CELSR1: variants seen among roughly 807,000 people sequenced by gnomAD.
CELSR1 encodes the protein cadherin EGF LAG seven-pass G-type receptor 1.
A neutral mutation model predicts 249.1 loss-of-function variants in CELSR1; 110 were observed. That is an observed-to-expected ratio of 0.44 (90% confidence interval 0.38 to 0.52). The LOEUF is 0.52. Ranked by LOEUF, CELSR1 falls within the 20% of genes least tolerant of loss-of-function variation. The pLI, the probability that CELSR1 is intolerant of heterozygous loss-of-function variation, is 0.00. For synonymous variants in CELSR1, 2,113 were observed against 1,900.0 expected (o/e 1.11, Z -2.92); for missense variants, 4,109 against 4,296.4 (o/e 0.96, Z 1.22).
intron 5 of CELSR1, among the ~76,000 whole-genome samples, chr22:46,431,867 C>T (rs1326156367): frequency 1.3e-5 from 2 of 152,256 alleles, no homozygotes; most frequent in African/African-American, 4.8e-5. Context: ...CTCACCCCAC[C>T]AGCCCCTGCA....
rs1310193824 is a variant in CELSR1, at chr22:46,499,401, G to T, written c.3544+34226C>A. Among the ~76,000 whole-genome samples the T allele has an allele frequency of 2.0e-5, 3 of 152,144 alleles. No individual in the cohort carries two copies. In the South Asian group the frequency reaches 6.2e-4, roughly 32 times the overall value. On this transcript the variant is annotated intron_variant, in intron 1 of 34. Coordinates refer to ENST00000674500, the MANE Select transcript of CELSR1 (RefSeq NM_001378328.1). ...ATCACAGGCTACTTAGTACCCATCA[G>T]ATTGGCAAAAATCTTAGACAATGAT...
chr22:46,536,163 G>A lies in CELSR1; in HGVS notation c.1008C>T (p.Thr336=), dbSNP rs2080852754. Residue 336 remains threonine, a synonymous_variant, in exon 1 of 35, where the codon ACC becomes ACT. Transcript: ENST00000674500. ...VDYSTPPRSA[T]TYITVLVKDT... is the part of the protein sequence containing the mutation. ...CTTTGACCAAGACAGTGATGTAGGTGGTGGCCGAGCGCGGCGGCGTACTGT... is the reference window on the plus strand; with the variant it reads ...CTTTGACCAAGACAGTGATGTAGGTAGTGGCCGAGCGCGGCGGCGTACTGT... The A allele has an allele frequency of 6.2e-7, 1 of 1,612,976 alleles. No individual in the cohort carries two copies. Among genetic ancestry groups the A allele is most frequent in the African/African-American group, 1.3e-5 (1 of 75,076 alleles).
At chr22:46,415,902 T>G (rs530566256) in intron 5 of CELSR1, among the ~76,000 whole-genome samples, 1 of 152,270 alleles carries the variant, frequency 6.6e-6, no homozygotes, top group South Asian at 2.1e-4. Flanking sequence ...TGGGCTCAGA[T>G]CATCCATTTT....
At position 46,518,155 on chromosome 22, in the gene CELSR1, C is replaced by G. The variant is rs1350039286; in HGVS notation, c.3544+15472G>C. 6.6e-6 allele frequency among the ~76,000 whole-genome samples: 1 copy of G among 152,146 alleles called. No individual in the cohort carries two copies. The highest frequency in any genetic ancestry group is 2.4e-5 in the African/African-American group (1 of 41,434). ...CGTGACCTCAGGTGATGTGATCCAT[C>G]CATCTCGACCTCCCAAAGTGCTGTG... On this transcript the variant is annotated intron_variant, in intron 1 of 34. Transcript: ENST00000674500. The surrounding 1 kb of genome is among the most constrained non-coding windows in gnomAD (Gnocchi z 5.2).
rs959742530 is a variant in CELSR1 at position 46,440,110 on chromosome 22, G to C, written c.4184-699C>G. Among the ~76,000 whole-genome samples, 16 of 152,200 alleles carry C rather than the reference G, an allele frequency of 1.1e-4. No individual in the cohort carries two copies. The highest frequency in any genetic ancestry group is 3.4e-4 in the African/African-American group (14 of 41,530). On this transcript the variant is annotated intron_variant, in intron 2 of 34. Coordinates refer to ENST00000674500, the MANE Select transcript of CELSR1 (RefSeq NM_001378328.1). This position sits in a 1 kb window ranked among gnomAD's most constrained non-coding sequence, Gnocchi z 4.7. The stretch of plus-strand genomic sequence containing the variant: ...CAGGAAGGTTCTGGAAGCTTTCCCA[G>C]AAAACCAGCCAGGCAGCCCACAGCA...
At chr22:46,456,656 C>CCA (rs1485183060) in intron 2 of CELSR1, among the ~76,000 whole-genome samples, 1,074 of 97,908 alleles carry the variant, frequency 0.011, 8 homozygotes, top group Non-Finnish European at 0.016. Flanking sequence ...GAGCGAGACT[C>CCA]TGTCTAAAAA....
chr22:46,534,400 T>C lies in CELSR1; in HGVS notation c.2771A>G (p.Asn924Ser), dbSNP rs200061231. Residue 924 changes from asparagine (N) to serine (S), a missense_variant, in exon 1 of 35, where the codon AAT becomes AGT. Physicochemically the swap from Asn to Ser is conservative, Grantham distance 46. Coordinates refer to ENST00000674500, the MANE Select transcript of CELSR1 (RefSeq NM_001378328.1). This position sits in a 1 kb window ranked among gnomAD's most constrained non-coding sequence, Gnocchi z 9.7. ...CTGGAAGGTGTACAGCAGACGCCCA[T>C]TGGGACCTGAGTCCCGGTCCGTGGC... is the stretch of plus-strand genomic sequence containing the variant. ...VSATDRDSGP[N>S]GRLLYTFQGG... 62 of 1,612,890 alleles carry C rather than the reference T, an allele frequency of 3.8e-5. No individual in the cohort carries two copies. The highest frequency in any genetic ancestry group is 8.3e-5 in the Admixed American group (5 of 60,026).
Position 46,517,904 on chromosome 22 carries a change from C to CA in CELSR1, c.3544+15722_3544+15723insT, listed in dbSNP as rs2080645075. On this transcript the variant is annotated intron_variant, in intron 1 of 34. Transcript: ENST00000674500. This position sits in a 1 kb window ranked among gnomAD's most constrained non-coding sequence, Gnocchi z 5.4. ...ACACACCTCCCACGGTGTCCCCTTC[C>CA]TTTTTTTTTTTTTTTGAGACAGAGT... Among the ~76,000 whole-genome samples the CA allele has an allele frequency of 7.2e-6, 1 of 138,346 alleles. No individual in the cohort carries two copies. 90.8% of individuals were successfully genotyped at this position (138,346 alleles called of 152,430 possible).
chr22:46,535,991 C>A lies in CELSR1; in HGVS notation c.1180G>T (p.Gly394Trp), dbSNP rs534966908. The change falls in exon 1 of 35, where the codon GGG becomes TGG. Residue 394 changes from glycine to tryptophan, a missense_variant. Around this residue, in one of 7 missense-constraint regions of CELSR1, gnomAD observed 673 missense variants for 636.8 expected, o/e 1.06. Transcript: ENST00000674500. ...INANLRYRVLGGAWDVFQLNE... is the reference protein window; with the variant it reads ...INANLRYRVLWGAWDVFQLNE... Reference sequence around the variant, plus strand: ...AGCTGGAAGACGTCCCACGCGCCCCCCAACACGCGGTAACGCAAGTTGGCG... The same window carrying A: ...AGCTGGAAGACGTCCCACGCGCCCCACAACACGCGGTAACGCAAGTTGGCG... 1 of 1,610,730 alleles carries A rather than the reference C, an allele frequency of 6.2e-7. No individual in the cohort carries two copies. The highest frequency in any genetic ancestry group is 1.3e-5 in the African/African-American group (1 of 74,946).
chr22:46,389,485 G>C lies in CELSR1; in HGVS notation c.6360C>G (p.Ser2120Arg). Reference protein sequence around the residue: ...VDLRAMNEKLSRNETQVDGAR... With the variant: ...VDLRAMNEKLRRNETQVDGAR... ...CGCCGTCCACCTGCGTCTCATTGCG[G>C]CTCAGCTTCTCATTCTGGAACAGGG... Residue 2120 changes from serine (S) to arginine (R), a missense_variant, in exon 18 of 35, where the codon AGC (serine) becomes AGG (arginine). Physicochemically the swap from Ser to Arg is moderately radical, Grantham distance 110. Transcript: ENST00000674500. 6.2e-7 allele frequency: 1 copy of C among 1,613,304 alleles called. No individual in the cohort carries two copies. The highest frequency in any genetic ancestry group is 1.1e-5 in the South Asian group (1 of 91,082).
chr22:46,470,525 G>T (rs997007707), intron 1 of CELSR1, among the ~76,000 whole-genome samples: 1 of 152,018 alleles, frequency 6.6e-6, no homozygotes, highest in Non-Finnish European at 1.5e-5. Flanking sequence ...ACAGAAAATA[G>T]CATTAAATAT....
At chr22:46,365,805 G>T in intron 30 of CELSR1, 116 bp from the exon 31 acceptor site, 2 of 363,438 alleles carry the variant, frequency 5.5e-6, no homozygotes, top group Non-Finnish European at 8.8e-6. Context: ...CAACAGCACA[G>T]ACAAAACAGC....
intron 1 of CELSR1, among the ~76,000 whole-genome samples, chr22:46,486,384 C>T (rs2080313269): frequency 6.6e-6 from 1 of 151,578 alleles, no homozygotes; most frequent in African/African-American, 2.4e-5. Flanking sequence ...CCCATCTCTA[C>T]TAAAAATACA....
chr22:46,511,099 T>C (rs1244355714), intron 1 of CELSR1, among the ~76,000 whole-genome samples: 1 of 144,408 alleles, frequency 6.9e-6, no homozygotes, highest in East Asian at 2.1e-4. Flanking sequence ...GGATGACAGA[T>C]CAAGACTTCG....
At chr22:46,425,208 T>C (rs1448889503) in intron 5 of CELSR1, among the ~76,000 whole-genome samples, 14 of 152,212 alleles carry the variant, frequency 9.2e-5, no homozygotes, top group Admixed American at 9.2e-4. Flanking sequence ...TGTGCAGGTT[T>C]CTGTGTCAAC....
In CELSR1 at chr22:46,429,880, C is replaced by T. The variant is rs2079574700; in HGVS notation, c.4611+3513G>A. 6.6e-6 allele frequency among the ~76,000 whole-genome samples: 1 copy of T among 152,258 alleles called. No homozygotes were observed. The highest frequency in any genetic ancestry group is 2.1e-4 in the South Asian group (1 of 4,836). On this transcript the variant is annotated intron_variant, in intron 5 of 34. Coordinates refer to ENST00000674500, the MANE Select transcript of CELSR1 (RefSeq NM_001378328.1). The surrounding 1 kb of genome is among the most constrained non-coding windows in gnomAD (Gnocchi z 4.1). ...ATCGCAGCTCCGCTGGCACTGCCTC[C>T]AGCCCTGGGTCCCACACCGCCTCTC... is the stretch of plus-strand genomic sequence containing the variant.
intron 2 of CELSR1, among the ~76,000 whole-genome samples, chr22:46,461,630 G>A (rs1234869357): frequency 6.6e-6 from 1 of 152,212 alleles, no homozygotes; most frequent in Non-Finnish European, 1.5e-5. Context: ...AAAAGCCAAC[G>A]GCACAGATGA....
chr22:46,376,583 A>G (rs779256826), intron 24 of CELSR1, among the ~76,000 whole-genome samples: 1 of 151,968 alleles, frequency 6.6e-6, no homozygotes, highest in Non-Finnish European at 1.5e-5. Flanking sequence ...CCATGTTGGC[A>G]AGGCTGGTCT....
At position 46,374,926 on chromosome 22, in the gene CELSR1, C is replaced by T. The variant is rs1170254317; in HGVS notation, c.7585-1869G>A. On this transcript the variant is annotated intron_variant, in intron 24 of 34. Coordinates refer to ENST00000674500, the MANE Select transcript of CELSR1 (RefSeq NM_001378328.1). The surrounding 1 kb of genome is among the most constrained non-coding windows in gnomAD (Gnocchi z 4.3). ...TCGGCCTCGGGAAGCACCTGGGAGG[C>T]GGCGGGGAAGGTTGGCCCTGGCTGG... Among the ~76,000 whole-genome samples, 1 of 152,062 alleles carries T rather than the reference C, an allele frequency of 6.6e-6. No individual in the cohort carries two copies. Among genetic ancestry groups the T allele is most frequent in the East Asian group, 2.0e-4 (1 of 5,120 alleles).
Sources: gnomAD v4.1 joint callset for allele counts (sites outside exome capture counted in the v4.1 genomes callset) on GRCh38, gnomAD v4.1.1 for gene constraint, gnomAD v4.1.1 regional missense constraint, Gnocchi (gnomAD v3.1) non-coding constraint, MANE v1.5 for transcripts, NCBI Gene and HGNC (gene_info 2026-07-23, HGNC 2026-07-21) for gene names.